The following EXOSC10 variants were observed in gnomAD, a reference collection of about 807,000 sequenced individuals.
The protein encoded by EXOSC10 is exosome complex component 10.
In EXOSC10, 94 loss-of-function variants were observed where a neutral mutation model predicts 126.6. The observed-to-expected ratio is 0.74, with a 90% CI of 0.63 to 0.88. The LOEUF (loss-of-function observed/expected upper bound fraction) is 0.88. Among genes scored for constraint, EXOSC10 ranks in the 40% least tolerant of loss-of-function variants. EXOSC10 has a pLI of 0.00. For missense variants in EXOSC10, 1,041 were observed against 1,100.5 expected, an observed-to-expected ratio of 0.95 and a Z score of 0.77; for synonymous variants, 395 against 400.8, an observed-to-expected ratio of 0.99 and a Z score of 0.17.
At position 11,070,946 on chromosome 1, in the gene EXOSC10, C is replaced by T. The variant is rs1346701462; in HGVS notation, c.2270G>A (p.Cys757Tyr). The T allele has an allele frequency of 2.5e-6, 4 of 1,614,056 alleles. No individual in the cohort carries two copies. The Admixed American group carries it at 5.0e-5, about 20-fold the overall frequency. ...TAAREQAKEACKAAAEQAISV... is the reference protein window; with the variant it reads ...TAAREQAKEAYKAAAEQAISV... ...GATGGCCTGTTCTGCTGCAGCTTTGCACGCCTCCTTTGCCTGTTCCCGGGC... is the reference window on the plus strand; with the variant it reads ...GATGGCCTGTTCTGCTGCAGCTTTGTACGCCTCCTTTGCCTGTTCCCGGGC... The change falls in exon 21 of 25, where the codon TGC (cysteine) becomes TAC (tyrosine). Residue 757 changes from cysteine (C) to tyrosine (Y), a missense_variant. Physicochemically the swap from Cys to Tyr is radical, Grantham distance 194. This residue lies in a region of EXOSC10 where 388 missense variants were observed against 415.2 expected (regional missense o/e 0.93). Transcript: ENST00000376936.
In EXOSC10 at chr1:11,080,553, GA is replaced by G. The variant is rs760571890; in HGVS notation, c.1587-5del. On this transcript the variant is annotated splice_region_variant and splice_polypyrimidine_tract_variant and intron_variant, in intron 12 of 24. Coordinates refer to ENST00000376936, the MANE Select transcript of EXOSC10 (RefSeq NM_001001998.3). Reference sequence around the variant, plus strand: ...CATGTGGTTTGGCAGTACATATCTGGAAAAAAAAAAACACACACACACACAC... The same window carrying G: ...CATGTGGTTTGGCAGTACATATCTGGAAAAAAAAAACACACACACACACAC... 9.8e-4 allele frequency: 1,445 copies of G among 1,477,142 alleles called. No individual in the cohort carries two copies. Among genetic ancestry groups the G allele is most frequent in the African/African-American group, 2.0e-3 (131 of 65,566 alleles). 91.5% of individuals were successfully genotyped at this position (1,477,142 alleles called of 1,614,324 possible). A position where few individuals can be genotyped will look rare whatever the true frequency, so the allele number is the denominator to read the frequency against.
intron 24 of EXOSC10, among the ~76,000 whole-genome samples, chr1:11,067,239 G>A (rs943053918): frequency 1.3e-5 from 2 of 152,168 alleles, no homozygotes; most frequent in Admixed American, 6.5e-5. Flanking sequence ...AGACCATCCT[G>A]GCTAACATGG....
At position 11,090,632 on chromosome 1, in the gene EXOSC10, C is replaced by T. The variant is rs181124834; in HGVS notation, c.680G>A (p.Arg227His). ...SKERRERPQD[R>H]PEDLDVPPAL... ...AGGGGGGACGTCCAAGTCCTCAGGA[C>T]GATCCTGTGGGCGTTCCCGCCTTTC... The change falls in exon 6 of 25, where the codon CGT becomes CAT. Residue 227 changes from arginine (R) to histidine (H), a missense_variant. This residue lies in a region of EXOSC10 where 645 missense variants were observed against 656.3 expected (regional missense o/e 0.98). Transcript: ENST00000376936. 11 of 1,613,488 alleles carry T rather than the reference C, an allele frequency of 6.8e-6. No homozygotes were observed. The highest frequency in any genetic ancestry group is 2.7e-5 in the African/African-American group (2 of 75,034).
intron 17 of EXOSC10, among the ~76,000 whole-genome samples, chr1:11,076,366 CTCT>C (rs1002638777): frequency 2.6e-5 from 4 of 151,964 alleles, no homozygotes; most frequent in East Asian, 1.9e-4. Context: ...AAAATCATTT[CTCT>C]TCTTCACTGA....
At chr1:11,090,436 G>T in intron 6 of EXOSC10, 118 bp downstream of exon 6, 1 of 815,378 alleles carries the variant, frequency 1.2e-6, no homozygotes, top group Non-Finnish European at 2.1e-6. Context: ...CCAGGTTGGG[G>T]TGTAAGGAGG....
In EXOSC10 at chr1:11,069,550, C is replaced by T. The variant is rs1639332765; in HGVS notation, c.2488+9G>A. ...GATGTCCCTGTATGGGGCCCCATTA[C>T]TTCCTCACCAGCAAAAGCCTTGAAG... On this transcript the variant is annotated intron_variant, in intron 22 of 24. Transcript: ENST00000376936. 2 of 1,611,482 alleles carry T rather than the reference C, an allele frequency of 1.2e-6. No homozygotes were observed. Among genetic ancestry groups the T allele is most frequent in the Non-Finnish European group, 1.7e-6 (2 of 1,179,336 alleles).
In EXOSC10 at chr1:11,079,711, C is replaced by T. The variant is rs752519241; in HGVS notation, c.1749G>A (p.Lys583=). 1.2e-6 allele frequency: 2 copies of T among 1,612,514 alleles called. No individual in the cohort carries two copies. Among genetic ancestry groups the T allele is most frequent in the East Asian group, 2.2e-5 (1 of 44,824 alleles). The part of the protein sequence containing the change: ...IQQAREMPLL[K]SEVAAGVKKS... ...GCCCAGCCGCAGAAAAGCTTCTTAC[C>T]TTGAGCAGGGGCATCTCTCGGGCCT... Residue 583 remains lysine (K), a splice_region_variant and synonymous_variant, in exon 14 of 25, where the codon AAG becomes AAA. Transcript: ENST00000376936.
Position 11,080,836 on chromosome 1 carries a change from T to C in EXOSC10, c.1514A>G (p.Gln505Arg), listed in dbSNP as rs200988527. The change falls in exon 12 of 25, where the codon CAG (glutamine) becomes CGG (arginine). Residue 505 changes from glutamine to arginine, a missense_variant. By Grantham distance (43) the Gln-to-Arg change is conservative (BLOSUM62 1). This residue lies in a region of EXOSC10 where 645 missense variants were observed against 656.3 expected (regional missense o/e 0.98). Coordinates refer to ENST00000376936, the MANE Select transcript of EXOSC10 (RefSeq NM_001001998.3). ...YRKQKKHLNT[Q>R]QLTAFQLLFA... is the part of the protein sequence containing the mutation. ...CAGCAGCTGAAAGGCTGTCAACTGCTGTGTGTTAAGGTGCTTCTTCTGCTT... is the reference window on the plus strand; with the variant it reads ...CAGCAGCTGAAAGGCTGTCAACTGCCGTGTGTTAAGGTGCTTCTTCTGCTT... 7.1e-5 allele frequency: 115 copies of C among 1,614,182 alleles called. No individual in the cohort carries two copies. Among genetic ancestry groups the C allele is most frequent in the Non-Finnish European group, 9.3e-5 (110 of 1,180,022 alleles).
intron 2 of EXOSC10, among the ~76,000 whole-genome samples, chr1:11,096,624 G>A (rs951732875): frequency 2.0e-5 from 3 of 150,854 alleles, no homozygotes; most frequent in East Asian, 2.0e-4. Context: ...CTTGGGAGTG[G>A]TGCACCACCA....
intron 19 of EXOSC10, chr1:11,072,447 C>T: frequency 2.9e-6 from 1 of 347,686 alleles, no homozygotes; most frequent in Non-Finnish European, 5.3e-6. Flanking sequence ...ACTGTCATCA[C>T]CCTCTCTTTA....
intron 23 of EXOSC10, 115 bp downstream of exon 23, chr1:11,068,530 G>A (rs1639248279): frequency 1.2e-6 from 1 of 808,232 alleles, no homozygotes; most frequent in Non-Finnish European, 2.2e-6. Flanking sequence ...GAAATGAGGT[G>A]AGGAAAAAGA....
intron 9 of EXOSC10, among the ~76,000 whole-genome samples, chr1:11,086,135 T>C (rs1640481478): frequency 6.6e-6 from 1 of 151,498 alleles, no homozygotes. Flanking sequence ...GCTGGCCTCA[T>C]AAAATGAGTT....
chr1:11,085,655 A>T (rs1224740991), intron 9 of EXOSC10, among the ~76,000 whole-genome samples: 1 of 152,054 alleles, frequency 6.6e-6, no homozygotes, highest in African/African-American at 2.4e-5. Context: ...TTCCAACACT[A>T]TGTTGAATAG....
At chr1:11,073,891 AAAAAAAAAAG>A in intron 19 of EXOSC10, 33 bp downstream of exon 19, 1 of 1,320,244 alleles carries the variant, frequency 7.6e-7, no homozygotes, top group South Asian at 1.4e-5. Context: ...AAAAAAAAAA[AAAAAAAAAAG>A]TCTCTTTTAG....
chr1:11,082,499 C>T (rs776701806), intron 10 of EXOSC10, 189 bp downstream of exon 10: 80 of 1,383,680 alleles, frequency 5.8e-5, no homozygotes, highest in Admixed American at 8.7e-5. Context: ...ATCAGCCCAT[C>T]ATAAAGTCCA....
chr1:11,070,789 C>A, intron 21 of EXOSC10, 111 bp downstream of exon 21: 1 of 927,744 alleles, frequency 1.1e-6, no homozygotes. Flanking sequence ...GGAAAGAAGT[C>A]AGGACTTAAT....
At chr1:11,084,138 T>C (rs983984643) in intron 9 of EXOSC10, among the ~76,000 whole-genome samples, 1 of 152,222 alleles carries the variant, frequency 6.6e-6, no homozygotes, top group Non-Finnish European at 1.5e-5. Context: ...TTTGGGTATA[T>C]ACCAAGTAAT....
chr1:11,070,110 G>A (rs1181511917), intron 21 of EXOSC10, among the ~76,000 whole-genome samples: 2 of 151,860 alleles, frequency 1.3e-5, no homozygotes, highest in Non-Finnish European at 2.9e-5. Flanking sequence ...GGTGGTGCGT[G>A]CTTGTAGTCC....
intron 17 of EXOSC10, 138 bp downstream of exon 17, chr1:11,076,704 C>G: frequency 1.5e-6 from 1 of 688,608 alleles, no homozygotes; most frequent in Non-Finnish European, 2.5e-6. Flanking sequence ...GTCTCTATGC[C>G]TCTCCCAGCA....
Sources: allele counts gnomAD v4.1 joint callset (sites outside exome capture counted in the v4.1 genomes callset), GRCh38; gene constraint gnomAD v4.1.1; regional missense constraint gnomAD v4.1.1; transcripts MANE v1.5; gene names NCBI Gene and HGNC (gene_info 2026-07-23, HGNC 2026-07-21).